The following OPA1 variants were observed in gnomAD, a reference collection of about 807,000 sequenced individuals.
OPA1 encodes OPA1 mitochondrial dynamin like GTPase, also known as dynamin-like GTPase OPA1, mitochondrial.
Under a neutral mutation model 152.9 loss-of-function variants are expected in OPA1, and 59 were observed. The ratio of observed to expected loss-of-function variants is 0.39; its 90% CI spans 0.31 to 0.48. The LOEUF is 0.48. OPA1 is among the 20% of genes least tolerant of loss of function. The probability of loss-of-function intolerance (pLI) is 0.96; values close to 1 mark genes in which losing one functional copy is unlikely to be tolerated. For synonymous variants in OPA1, 400 were observed against 389.9 expected (o/e 1.03, Z -0.31); for missense variants, 1,008 against 1,216.8 (o/e 0.83, Z 2.55).
chr3:193,686,220 C>G (rs1369667897), intron 29 of OPA1, among the ~76,000 whole-genome samples: 1 of 152,122 alleles, frequency 6.6e-6, no homozygotes, highest in Non-Finnish European at 1.5e-5. Flanking sequence ...GGTTTCTTGT[C>G]CAAATGAAGT....
intron 19 of OPA1, among the ~76,000 whole-genome samples, chr3:193,647,436 A>AT (rs1252501835): frequency 6.6e-6 from 1 of 152,206 alleles, no homozygotes; most frequent in African/African-American, 2.4e-5. Context: ...TAGTGCTTGG[A>AT]AGTACACAAT....
At chr3:193,668,774 A>T in intron 29 of OPA1, 1 of 1,210,842 alleles carries the variant, frequency 8.3e-7, no homozygotes, top group Non-Finnish European at 1.0e-6. Flanking sequence ...ACTAATAATC[A>T]CTTTGTCACT....
At chr3:193,672,614 A>G (rs1718173559) in intron 29 of OPA1, among the ~76,000 whole-genome samples, 1 of 152,132 alleles carries the variant, frequency 6.6e-6, no homozygotes, top group Admixed American at 6.5e-5. Flanking sequence ...CACGCCTGTA[A>G]TCCCAGCACT....
At chr3:193,638,159 A>G (rs1733224086) in intron 11 of OPA1, 94 bp downstream of exon 11, 5 of 882,086 alleles carry the variant, frequency 5.7e-6, no homozygotes, top group Non-Finnish European at 9.4e-6. Context: ...TTTTAACCAA[A>G]GAAAGACTTG....
chr3:193,658,194 G>A (rs1007310264), intron 23 of OPA1, among the ~76,000 whole-genome samples: 4 of 148,964 alleles, frequency 2.7e-5, no homozygotes, highest in African/African-American at 4.9e-5. Flanking sequence ...GCGGTTAGCC[G>A]AGATCGTGCC....
chr3:193,688,374 C>T (rs1253351511), intron 29 of OPA1, among the ~76,000 whole-genome samples: 3 of 146,488 alleles, frequency 2.0e-5, no homozygotes, highest in Non-Finnish European at 3.0e-5. Context: ...ATGGAGTGTC[C>T]GGTCATCCTT....
At position 193,608,574 on chromosome 3, in the gene OPA1, G is replaced by C. The variant is rs149181715; in HGVS notation, c.33-6149G>C. ...TCCACTGTGGTCTGAGAGACAGTTT[G>C]TTATAATTTGTATTCTTTTACATTT... is the stretch of plus-strand genomic sequence containing the variant. On this transcript the variant is annotated intron_variant, in intron 1 of 30. Coordinates refer to ENST00000361510, the MANE Select transcript of OPA1 (RefSeq NM_130837.3). 4.6e-3 allele frequency among the ~76,000 whole-genome samples: 694 copies of C among 152,306 alleles called. 4 individuals are homozygous for C. The highest frequency in any genetic ancestry group is 0.016 in the African/African-American group (665 of 41,566).
chr3:193,598,608 G>A (rs376179105), intron 1 of OPA1, among the ~76,000 whole-genome samples: 13 of 152,142 alleles, frequency 8.5e-5, no homozygotes, highest in African/African-American at 2.9e-4. Flanking sequence ...AGGGAGTTTA[G>A]AATGTTTGCA....
At chr3:193,641,427 C>T (rs943969368) in intron 11 of OPA1, among the ~76,000 whole-genome samples, 1 of 147,780 alleles carries the variant, frequency 6.8e-6, no homozygotes, top group Non-Finnish European at 1.5e-5. Context: ...ATGTGAATGC[C>T]GTGAAAGGAA....
intron 11 of OPA1, among the ~76,000 whole-genome samples, chr3:193,642,042 C>T (rs143848152): frequency 6.8e-4 from 104 of 152,224 alleles, no homozygotes; most frequent in East Asian, 4.4e-3. Context: ...CCTGAAACCG[C>T]GAAGTGGAGG....
At chr3:193,658,863 T>C in intron 23 of OPA1, 24 bp from the exon 24 acceptor site, 1 of 1,566,120 alleles carries the variant, frequency 6.4e-7, no homozygotes, top group Non-Finnish European at 8.8e-7. Context: ...ACAAGTTGGC[T>C]TTTTCTCTTC....
At chr3:193,634,366 GT>G (rs371623186) in intron 8 of OPA1, among the ~76,000 whole-genome samples, 4 of 150,232 alleles carry the variant, frequency 2.7e-5, no homozygotes, top group Admixed American at 6.6e-5. Flanking sequence ...GTTTTGTTTT[GT>G]TTTTTTGTCA....
intron 29 of OPA1, among the ~76,000 whole-genome samples, chr3:193,675,728 T>C (rs2109350180): frequency 6.6e-6 from 1 of 152,286 alleles, no homozygotes; most frequent in Non-Finnish European, 1.5e-5. Context: ...AAGAAAAACA[T>C]TTTCATGTCT....
chr3:193,637,844 T>G, intron 10 of OPA1, 108 bp from the exon 11 acceptor site: 1 of 877,234 alleles, frequency 1.1e-6, no homozygotes, highest in Non-Finnish European at 1.9e-6. Flanking sequence ...TTTTTTCACC[T>G]GTAGAAATTT....
chr3:193,601,061 T>A (rs1274646040), intron 1 of OPA1, among the ~76,000 whole-genome samples: 3 of 152,188 alleles, frequency 2.0e-5, no homozygotes, highest in African/African-American at 7.2e-5. Context: ...TTAAGTGTTT[T>A]CGTTGAATAT....
At chr3:193,684,812 T>C (rs1242661431) in intron 29 of OPA1, among the ~76,000 whole-genome samples, 2 of 151,830 alleles carry the variant, frequency 1.3e-5, no homozygotes, top group South Asian at 4.2e-4. Context: ...GAAATTAGAA[T>C]TGCCATCCAC....
intron 29 of OPA1, among the ~76,000 whole-genome samples, chr3:193,673,321 A>T (rs1718331861): frequency 6.6e-6 from 1 of 152,230 alleles, no homozygotes; most frequent in Admixed American, 6.5e-5. Context: ...AATGATGAAG[A>T]TAATCATTAT....
At chr3:193,625,634 C>G (rs1472099035) in intron 6 of OPA1, among the ~76,000 whole-genome samples, 1 of 151,896 alleles carries the variant, frequency 6.6e-6, no homozygotes, top group African/African-American at 2.4e-5. Context: ...GGGACCTTTA[C>G]TTGAATAAAT....
intron 18 of OPA1, among the ~76,000 whole-genome samples, chr3:193,646,260 G>A (rs1734594467): frequency 6.6e-6 from 1 of 152,156 alleles, no homozygotes; most frequent in Admixed American, 6.5e-5. Flanking sequence ...AACTTTATAT[G>A]TTGAGTTTCT....
Sources: gnomAD v4.1 joint callset for allele counts (sites outside exome capture counted in the v4.1 genomes callset) on GRCh38, gnomAD v4.1.1 for gene constraint, MANE v1.5 for transcripts, NCBI Gene and HGNC (gene_info 2026-07-23, HGNC 2026-07-21) for gene names.